The following RABGAP1L variants were observed in gnomAD, a reference collection of about 807,000 sequenced individuals.
The protein encoded by RABGAP1L is RAB GTPase activating protein 1 like.
Under a neutral mutation model 137.7 loss-of-function variants are expected in RABGAP1L, and 63 were observed. That is an observed-to-expected ratio of 0.46 (90% CI 0.37 to 0.56). RABGAP1L has a LOEUF of 0.56. Among genes scored for constraint, RABGAP1L ranks in the 20% least tolerant of loss-of-function variants. The pLI is 0.00. For synonymous variants in RABGAP1L, 431 were observed against 433.7 expected, an observed-to-expected ratio of 0.99 and a Z score of 0.08; for missense variants, 1,095 against 1,244.0, an observed-to-expected ratio of 0.88 and a Z score of 1.80.
chr1:174,565,440 T>TG lies in RABGAP1L; in HGVS notation c.1711-71933dup, dbSNP rs1667508311. The stretch of plus-strand genomic sequence containing the variant: ...TTCATTGCAGTATTCTCTGCTTTCT[T>TG]GGTTTCCAGCTAATTGCCCCACTTG... On this transcript the variant is annotated intron_variant, in intron 13 of 25. Transcript: ENST00000681986. Among the ~76,000 whole-genome samples the TG allele has an allele frequency of 3.3e-5, 5 of 152,206 alleles. No individual in the cohort carries two copies. The South Asian group carries it at 1.0e-3, about 32-fold the overall frequency.
intron 19 of RABGAP1L, among the ~76,000 whole-genome samples, chr1:174,878,798 G>A (rs571095468): frequency 7.2e-5 from 11 of 151,916 alleles, no homozygotes; most frequent in Non-Finnish European, 7.4e-5. Context: ...ATAAATCAAC[G>A]TTGTTTAAAT....
chr1:174,538,740 C>G (rs746450868), intron 13 of RABGAP1L, among the ~76,000 whole-genome samples: 3 of 152,120 alleles, frequency 2.0e-5, no homozygotes, highest in African/African-American at 7.2e-5. Context: ...AGAATTTCAC[C>G]TCTGACATAT....
At chr1:174,523,457 G>A (rs1663601462) in intron 13 of RABGAP1L, among the ~76,000 whole-genome samples, 1 of 152,120 alleles carries the variant, frequency 6.6e-6, no homozygotes, top group South Asian at 2.1e-4. Flanking sequence ...TATCTGGGGA[G>A]ATGATAGAAA....
chr1:174,276,337 G>GGCC, intron 9 of RABGAP1L, among the ~76,000 whole-genome samples: 1 of 152,144 alleles, frequency 6.6e-6, no homozygotes, highest in East Asian at 1.9e-4. Context: ...TTTTTGTAGC[G>GGCC]ATGGGGTCAT....
intron 10 of RABGAP1L, among the ~76,000 whole-genome samples, chr1:174,301,459 C>T (rs548513478): frequency 1.5e-3 from 229 of 151,436 alleles, no homozygotes; most frequent in Non-Finnish European, 2.5e-3. Context: ...TTGCTGCTTT[C>T]TGTTGTGTGG....
chr1:174,236,605 C>G (rs1310435256), intron 4 of RABGAP1L, among the ~76,000 whole-genome samples: 5 of 150,978 alleles, frequency 3.3e-5, no homozygotes, highest in African/African-American at 9.7e-5. Flanking sequence ...ATCCTGAGTT[C>G]TAGTTTGATT....
chr1:174,319,967 G>A (rs1279422068), intron 11 of RABGAP1L, among the ~76,000 whole-genome samples: 1 of 151,996 alleles, frequency 6.6e-6, no homozygotes, highest in East Asian at 1.9e-4. Flanking sequence ...TTTAATATAT[G>A]AACCACCAGT....
intron 11 of RABGAP1L, among the ~76,000 whole-genome samples, chr1:174,327,984 CACATATATAT>C (rs1482721843): frequency 0.11 from 4,045 of 37,790 alleles, 169 homozygotes; most frequent in East Asian, 0.23. Flanking sequence ...TATATACACA[CACATATATAT>C]ATATATATAT....
At chr1:174,666,163 A>G (rs1464674010) in intron 14 of RABGAP1L, among the ~76,000 whole-genome samples, 1 of 152,062 alleles carries the variant, frequency 6.6e-6, no homozygotes, top group Admixed American at 6.5e-5. Flanking sequence ...TATTCCACAT[A>G]TTTTTTACTT....
chr1:174,583,503 T>G (rs1668890235), intron 13 of RABGAP1L, among the ~76,000 whole-genome samples: 4 of 152,192 alleles, frequency 2.6e-5, no homozygotes, highest in Admixed American at 2.6e-4. Flanking sequence ...TGAGATGCTA[T>G]GGTATTCACT....
At chr1:174,321,862 C>G (rs1196676740) in intron 11 of RABGAP1L, among the ~76,000 whole-genome samples, 1 of 152,064 alleles carries the variant, frequency 6.6e-6, no homozygotes, top group Non-Finnish European at 1.5e-5. Context: ...TTTTGTGTAT[C>G]TTTTCATGTG....
chr1:174,647,557 C>T (rs750306560), intron 14 of RABGAP1L, among the ~76,000 whole-genome samples: 1 of 151,848 alleles, frequency 6.6e-6, no homozygotes, highest in Middle Eastern at 3.2e-3. Flanking sequence ...GGGAAGAAGC[C>T]GAGTTGATCT....
intron 13 of RABGAP1L, among the ~76,000 whole-genome samples, chr1:174,403,270 C>A (rs1408699387): frequency 1.5e-5 from 2 of 130,670 alleles, no homozygotes; most frequent in Non-Finnish European, 3.3e-5. Flanking sequence ...TATACCATTT[C>A]TTTTCTTCTC....
chr1:174,407,147 T>C (rs894118682), intron 13 of RABGAP1L, among the ~76,000 whole-genome samples: 8 of 152,124 alleles, frequency 5.3e-5, no homozygotes, highest in Non-Finnish European at 1.5e-5. Context: ...AAAAAAGGGA[T>C]AGGCAGCTGA....
intron 11 of RABGAP1L, among the ~76,000 whole-genome samples, 195 bp from the exon 12 acceptor site, chr1:174,370,784 A>G (rs1161924418): frequency 6.6e-6 from 1 of 151,916 alleles, no homozygotes; most frequent in East Asian, 1.9e-4. Context: ...GATTTTCATA[A>G]AAGTTTGTTC....
At chr1:174,859,779 A>G (rs1361744004) in intron 19 of RABGAP1L, among the ~76,000 whole-genome samples, 3 of 152,026 alleles carry the variant, frequency 2.0e-5, no homozygotes, top group Non-Finnish European at 4.4e-5. Flanking sequence ...TGTACAAAAA[A>G]ACCCCATGGC....
chr1:174,312,509 T>C (rs1678957000), intron 11 of RABGAP1L, among the ~76,000 whole-genome samples: 1 of 152,222 alleles, frequency 6.6e-6, no homozygotes, highest in African/African-American at 2.4e-5. Flanking sequence ...TAATCCCTTG[T>C]CAGATAGGTA....
chr1:174,313,864 T>A (rs1169199644), intron 11 of RABGAP1L, among the ~76,000 whole-genome samples: 1 of 152,214 alleles, frequency 6.6e-6, no homozygotes, highest in Non-Finnish European at 1.5e-5. Context: ...CAATTGGTCA[T>A]CATGAATGAT....
chr1:174,561,739 A>T (rs1165193553), intron 13 of RABGAP1L, among the ~76,000 whole-genome samples: 2 of 152,238 alleles, frequency 1.3e-5, no homozygotes, highest in African/African-American at 4.8e-5. Context: ...GACAAACCTG[A>T]CAAAAGCAAT....
Sources: gnomAD v4.1 joint callset for allele counts (sites outside exome capture counted in the v4.1 genomes callset) on GRCh38, gnomAD v4.1.1 for gene constraint, MANE v1.5 for transcripts, NCBI Gene and HGNC (gene_info 2026-07-23, HGNC 2026-07-21) for gene names.